Variants in FNTB observed in about 807,000 individuals in gnomAD.
FNTB encodes protein farnesyltransferase subunit beta.
Under a neutral mutation model 59.4 loss-of-function variants are expected in FNTB, and 27 were observed. That is an observed-to-expected ratio of 0.45 (90% CI 0.34 to 0.63). The LOEUF is 0.63. FNTB is among the 20% of genes least tolerant of loss of function. The pLI is 0.02. For synonymous variants in FNTB, 230 were observed against 220.7 expected (o/e 1.04, Z -0.37); for missense variants, 449 against 559.6 (o/e 0.80, Z 1.99).
rs1371889047 is a variant in FNTB at position 65,007,481 on chromosome 14, A to G, written c.209+3168A>G. ...ATGATGCTGAAGTAGGCATTTGCCT[A>G]TTCAGTGTTCCAGGGCCAAAGCTGA... On this transcript the variant is annotated intron_variant, in intron 2 of 11. Coordinates refer to ENST00000246166, the MANE Select transcript of FNTB (RefSeq NM_002028.4). This position sits in a 1 kb window ranked among gnomAD's most constrained non-coding sequence, Gnocchi z 4.9. 6.6e-6 allele frequency among the ~76,000 whole-genome samples: 1 copy of G among 152,222 alleles called. No individual in the cohort carries two copies. Among genetic ancestry groups the G allele is most frequent in the Admixed American group, 6.5e-5 (1 of 15,282 alleles).
At chr14:65,000,838 A>G (rs147000688) in intron 1 of FNTB, among the ~76,000 whole-genome samples, 5,408 of 115,846 alleles carry the variant, frequency 0.047, 473 homozygotes, top group Non-Finnish European at 0.071. Context: ...AAAAAAAAAA[A>G]AAAGAATAGT....
Position 65,047,978 on chromosome 14 carries a change from ATTTTTTTTTTTTTTT to A in FNTB, c.955+3548_955+3562del, listed in dbSNP as rs34879850. On this transcript the variant is annotated intron_variant, in intron 9 of 11. Transcript: ENST00000246166. The surrounding 1 kb of genome is among the most constrained non-coding windows in gnomAD (Gnocchi z 5.2). ...AGACAGAAGGAGGGAGACTTTTTAGATTTTTTTTTTTTTTTTTTTTTTTTTTTGAGACAGAGTCTC... is the reference window on the plus strand; with the variant it reads ...AGACAGAAGGAGGGAGACTTTTTAGATTTTTTTTTTTTGAGACAGAGTCTC... 1.6e-5 allele frequency among the ~76,000 whole-genome samples: 1 copy of A among 64,146 alleles called. No homozygotes were observed. The highest frequency in any genetic ancestry group is 2.1e-4 in the Admixed American group (1 of 4,700). The allele number at this position is 64,146 out of a possible 152,430, so 42.1% of individuals were successfully genotyped here.
chr14:65,059,837 CTTTTT>C (rs34459085), intron 11 of FNTB, among the ~76,000 whole-genome samples: 1 of 134,240 alleles, frequency 7.4e-6, no homozygotes, highest in African/African-American at 2.8e-5. Flanking sequence ...GTCCTTTTTT[CTTTTT>C]TTTTTTTTTT....
chr14:65,050,790 A>G (rs2062589382), intron 9 of FNTB, among the ~76,000 whole-genome samples: 3 of 152,266 alleles, frequency 2.0e-5, no homozygotes, highest in South Asian at 4.1e-4. Flanking sequence ...ATCAGTATCT[A>G]TTAAAAGCCT....
rs1465887195 is a variant in FNTB at position 64,994,884 on chromosome 14, A to T, written c.144+7787A>T. Among the ~76,000 whole-genome samples, 1 of 152,218 alleles carries T rather than the reference A, an allele frequency of 6.6e-6. No homozygotes were observed. The highest frequency in any genetic ancestry group is 1.5e-5 in the Non-Finnish European group (1 of 68,038). On this transcript the variant is annotated intron_variant, in intron 1 of 11. Coordinates refer to ENST00000246166, the MANE Select transcript of FNTB (RefSeq NM_002028.4). The surrounding 1 kb of genome is among the most constrained non-coding windows in gnomAD (Gnocchi z 4.2). ...ATTCATACGCTTTTTTCTTTCAATAATAAATTAAACCTAGCTTACTGTAAA... is the reference window on the plus strand; with the variant it reads ...ATTCATACGCTTTTTTCTTTCAATATTAAATTAAACCTAGCTTACTGTAAA...
At chr14:65,025,380 C>T (rs574664895) in intron 4 of FNTB, among the ~76,000 whole-genome samples, 1 of 152,248 alleles carries the variant, frequency 6.6e-6, no homozygotes, top group South Asian at 2.1e-4. Context: ...GTACAGAAAC[C>T]TTTTGGTATG....
intron 7 of FNTB, among the ~76,000 whole-genome samples, chr14:65,040,357 A>G (rs553210052): frequency 1.3e-5 from 2 of 150,694 alleles, no homozygotes; most frequent in Non-Finnish European, 2.9e-5. Flanking sequence ...CTTTTTCCCA[A>G]AGAGTAATAA....
At chr14:64,999,777 CAGAT>C (rs1483281319) in intron 1 of FNTB, among the ~76,000 whole-genome samples, 1 of 152,160 alleles carries the variant, frequency 6.6e-6, no homozygotes, top group Admixed American at 6.5e-5. Context: ...CTGTAATACA[CAGAT>C]AGTCATCAGA....
At chr14:65,000,876 C>T (rs1888574583) in intron 1 of FNTB, among the ~76,000 whole-genome samples, 1 of 124,594 alleles carries the variant, frequency 8.0e-6, no homozygotes, top group South Asian at 2.6e-4. Context: ...GAAAGAAAAG[C>T]AAAAGAAAAG....
At position 65,054,436 on chromosome 14, in the gene FNTB, G is replaced by C; in HGVS notation, c.1068-139G>C. ...GTGGGGCTTTAAATAACACTGCTGG[G>C]AAAACCATGCCTCCTCTAGCCACAT... On this transcript the variant is annotated intron_variant, in intron 10 of 11. Transcript: ENST00000246166. This position sits in a 1 kb window ranked among gnomAD's most constrained non-coding sequence, Gnocchi z 4.4. 1.2e-6 allele frequency: 1 copy of C among 829,852 alleles called. No homozygotes were observed. The highest frequency in any genetic ancestry group is 1.7e-5 in the South Asian group (1 of 59,126). 51.4% of individuals were successfully genotyped at this position (829,852 alleles called of 1,614,324 possible).
chr14:64,993,717 A>G (rs771353188), intron 1 of FNTB, among the ~76,000 whole-genome samples: 1 of 152,174 alleles, frequency 6.6e-6, no homozygotes, highest in Non-Finnish European at 1.5e-5. Flanking sequence ...CTGGTATGAA[A>G]GTTGGTGCCT....
intron 4 of FNTB, 106 bp downstream of exon 4, chr14:65,015,822 C>A: frequency 7.6e-7 from 1 of 1,308,034 alleles, no homozygotes; most frequent in Non-Finnish European, 1.1e-6. Context: ...AAAAACAGTG[C>A]CACAAAGAAA....
Position 64,987,386 on chromosome 14 carries a change from G to A in FNTB, c.144+289G>A, listed in dbSNP as rs1370304159. On this transcript the variant is annotated intron_variant, in intron 1 of 11. Transcript: ENST00000246166. ...GAAGAATCGTGTTCTATGCCTGGAG[G>A]ACAGAGGCAGCCCGTGCGGGTCGGA... The A allele has an allele frequency of 1.4e-5, 7 of 487,322 alleles. No individual in the cohort carries two copies. In the East Asian group the frequency reaches 1.9e-4, roughly 13 times the overall value. 30.2% of individuals were successfully genotyped at this position (487,322 alleles called of 1,614,324 possible).
chr14:65,017,215 A>G (rs904800323), intron 4 of FNTB, among the ~76,000 whole-genome samples: 1 of 152,158 alleles, frequency 6.6e-6, no homozygotes, highest in African/African-American at 2.4e-5. Flanking sequence ...GAGCCACCAC[A>G]TCCAGCCTCG....
In FNTB at chr14:64,988,489, A is replaced by G. The variant is rs564660533; in HGVS notation, c.144+1392A>G. 1.4e-4 allele frequency among the ~76,000 whole-genome samples: 18 copies of G among 126,344 alleles called. No individual in the cohort carries two copies. The South Asian group carries it at 4.3e-3, about 30-fold the overall frequency. 82.9% of individuals were successfully genotyped at this position (126,344 alleles called of 152,430 possible). ...TGAGATGGGGTCTCGCCCTGTTGCC[A>G]GGCTGGGATGCACTGGCTTACTGCA... On this transcript the variant is annotated intron_variant, in intron 1 of 11. Coordinates refer to ENST00000246166, the MANE Select transcript of FNTB (RefSeq NM_002028.4).
intron 8 of FNTB, among the ~76,000 whole-genome samples, chr14:65,042,478 A>G (rs916601416): frequency 2.1e-4 from 32 of 152,152 alleles, no homozygotes; most frequent in African/African-American, 7.5e-4. Flanking sequence ...TGAGAATCTA[A>G]TGCTGCTGCT....
intron 1 of FNTB, 88 bp downstream of exon 1, chr14:64,987,185 A>C: frequency 6.7e-7 from 1 of 1,485,160 alleles, no homozygotes. Context: ...TGCGGAACTC[A>C]CCGGGGAACT....
Position 64,986,986 on chromosome 14 carries a change from C to T in FNTB, c.33C>T (p.Cys11=), listed in dbSNP as rs774755912. The T allele has an allele frequency of 3.0e-5, 48 of 1,614,092 alleles. No individual in the cohort carries two copies. The highest frequency in any genetic ancestry group is 3.8e-5 in the Non-Finnish European group (45 of 1,180,034). ...CTCCGAGTTCTTTCACCTACTATTG[C>T]CCTCCATCTTCCTCCCCCGTCTGGT... MASPSSFTYY[C]PPSSSPVWSE... Residue 11 remains cysteine (C), a synonymous_variant, in exon 1 of 12, where the codon TGC becomes TGT. Coordinates refer to ENST00000246166, the MANE Select transcript of FNTB (RefSeq NM_002028.4).
In FNTB at chr14:65,039,603, C is replaced by A. The variant is rs532430411; in HGVS notation, c.693-1187C>A. Among the ~76,000 whole-genome samples the A allele has an allele frequency of 2.0e-4, 30 of 152,234 alleles. 1 individual carries two copies. In the South Asian group the frequency reaches 5.0e-3, roughly 25 times the overall value. Reference sequence around the variant, plus strand: ...TTGTTGCCCCTCTCCCATCCCTATCCTTTGGGTAGGAAAGGTTTCTCTATT... The same window carrying A: ...TTGTTGCCCCTCTCCCATCCCTATCATTTGGGTAGGAAAGGTTTCTCTATT... On this transcript the variant is annotated intron_variant, in intron 7 of 11. Transcript: ENST00000246166.
Sources: gnomAD v4.1 joint callset for allele counts (sites outside exome capture counted in the v4.1 genomes callset) on GRCh38, gnomAD v4.1.1 for gene constraint, Gnocchi (gnomAD v3.1) non-coding constraint, MANE v1.5 for transcripts, NCBI Gene and HGNC (gene_info 2026-07-23, HGNC 2026-07-21) for gene names.